Variants in LIMCH1 observed in about 807,000 individuals in gnomAD.
LIMCH1 encodes LIM and calponin homology domains 1, also known as LIM and calponin homology domains-containing protein 1.
LIMCH1 carries 113 observed loss-of-function variants against 176.5 expected under a neutral mutation model. The observed-to-expected ratio is 0.64, with a 90% CI of 0.55 to 0.75. LIMCH1 has a LOEUF of 0.75. Among genes scored for constraint, LIMCH1 ranks in the 30% least tolerant of loss-of-function variants. The probability of loss-of-function intolerance (pLI) is 0.00; values close to 1 mark genes in which losing one functional copy is unlikely to be tolerated. For missense variants in LIMCH1, 1,674 were observed against 1,814.9 expected, an observed-to-expected ratio of 0.92 and a Z score of 1.41; for synonymous variants, 619 against 645.9, an observed-to-expected ratio of 0.96 and a Z score of 0.63.
At chr4:41,683,420 G>A (rs11937643) in intron 26 of LIMCH1, among the ~76,000 whole-genome samples, 12,557 of 152,114 alleles carry the variant, frequency 0.083, 567 homozygotes, top group South Asian at 0.12. Flanking sequence ...ACCTAGAAGG[G>A]ACCCACAGAA....
chr4:41,604,739 T>A (rs1329176231), intron 3 of LIMCH1, among the ~76,000 whole-genome samples: 6 of 152,194 alleles, frequency 3.9e-5, no homozygotes, highest in Admixed American at 2.0e-4. Context: ...GTTAATGTCC[T>A]GACGTTTGAA....
chr4:41,602,788 C>G (rs757039361), intron 2 of LIMCH1, among the ~76,000 whole-genome samples: 32 of 151,990 alleles, frequency 2.1e-4, no homozygotes, highest in Admixed American at 2.0e-3. Context: ...AGCCGGGCGA[C>G]AGAGTGAGGC....
chr4:41,620,375 C>A (rs1257230352), intron 6 of LIMCH1, 49 bp from the exon 7 acceptor site: 1 of 1,510,310 alleles, frequency 6.6e-7, no homozygotes, highest in South Asian at 1.3e-5. Context: ...GGGGTCTGCT[C>A]CCCAGCCCAG....
intron 1 of LIMCH1, among the ~76,000 whole-genome samples, chr4:41,487,434 T>C (rs775143041): frequency 7.9e-5 from 12 of 152,278 alleles, no homozygotes; most frequent in Non-Finnish European, 1.6e-4. Context: ...AACTAGCATC[T>C]TCCTGCAAAC....
At chr4:41,603,549 C>T (rs1225895502) in intron 2 of LIMCH1, among the ~76,000 whole-genome samples, 1 of 152,144 alleles carries the variant, frequency 6.6e-6, no homozygotes, top group Non-Finnish European at 1.5e-5. Context: ...ATAATCAAGG[C>T]AGAATCTTCA....
At chr4:41,443,472 T>C (rs188065749) in intron 1 of LIMCH1, among the ~76,000 whole-genome samples, 1 of 152,218 alleles carries the variant, frequency 6.6e-6, no homozygotes, top group Non-Finnish European at 1.5e-5. Context: ...AATAGTAGTA[T>C]GGACTTTGCT....
Position 41,644,224 on chromosome 4 carries a change from C to T in LIMCH1, c.2127-276C>T, listed in dbSNP as rs189684532. Among the ~76,000 whole-genome samples, 139 of 152,272 alleles carry T rather than the reference C, an allele frequency of 9.1e-4. 1 individual carries two copies. Among genetic ancestry groups the T allele is most frequent in the African/African-American group, 2.0e-3 (82 of 41,564 alleles). On this transcript the variant is annotated intron_variant, in intron 14 of 31. Coordinates refer to ENST00000503057, the MANE Select transcript of LIMCH1 (RefSeq NM_001330672.2). Reference sequence around the variant, plus strand: ...CTCTTCTTTAAACCTATTTTGGCACCTACATATAAAATGATATTGACCCGA... The same window carrying T: ...CTCTTCTTTAAACCTATTTTGGCACTTACATATAAAATGATATTGACCCGA...
chr4:41,462,527 T>C (rs1241977289), intron 1 of LIMCH1, among the ~76,000 whole-genome samples: 1 of 152,208 alleles, frequency 6.6e-6, no homozygotes, highest in Non-Finnish European at 1.5e-5. Context: ...TGAGAGCACT[T>C]GGCATAGAAA....
At position 41,368,956 on chromosome 4, in the gene LIMCH1, C is replaced by T. The variant is rs374150385; in HGVS notation, c.96+8020C>T. Among the ~76,000 whole-genome samples, 10 of 152,284 alleles carry T rather than the reference C, an allele frequency of 6.6e-5. 1 individual carries two copies. In the South Asian group the frequency reaches 1.0e-3, roughly 16 times the overall value. On this transcript the variant is annotated intron_variant, in intron 1 of 26. Coordinates refer to the LIMCH1 transcript ENST00000313860. Reference sequence around the variant, plus strand: ...CTCCACTCTTAGCAGGAAGGGGCTGCGGGAAACCTGCTTGCTTTTCAGTGA... The same window carrying T: ...CTCCACTCTTAGCAGGAAGGGGCTGTGGGAAACCTGCTTGCTTTTCAGTGA...
intron 1 of LIMCH1, among the ~76,000 whole-genome samples, chr4:41,491,203 G>A (rs1413237850): frequency 6.8e-6 from 1 of 146,592 alleles, no homozygotes; most frequent in East Asian, 2.1e-4. Context: ...GACGAAGAGT[G>A]GCCAGGCAGA....
intron 3 of LIMCH1, among the ~76,000 whole-genome samples, chr4:41,530,644 T>C (rs1198451718): frequency 6.6e-6 from 1 of 151,432 alleles, no homozygotes; most frequent in African/African-American, 2.4e-5. Context: ...CTGTCTCTAC[T>C]AAAAGTACAA....
chr4:41,444,802 G>A (rs2063105665), intron 1 of LIMCH1, among the ~76,000 whole-genome samples: 1 of 152,118 alleles, frequency 6.6e-6, no homozygotes, highest in Admixed American at 6.5e-5. Flanking sequence ...AGTGGTTAAG[G>A]ATATAGTCCC....
intron 1 of LIMCH1, among the ~76,000 whole-genome samples, chr4:41,578,424 T>C (rs1263417359): frequency 6.6e-6 from 1 of 152,196 alleles, no homozygotes; most frequent in Admixed American, 6.5e-5. Context: ...AGATGAGATA[T>C]GGGTGGGGAC....
At chr4:41,537,302 T>A (rs145696927), upstream of LIMCH1, among the ~76,000 whole-genome samples, 45 of 152,368 alleles carry the variant, frequency 3.0e-4, no homozygotes, top group African/African-American at 1.0e-3. Flanking sequence ...CACACGATGC[T>A]TCTGCTCACA....
intron 2 of LIMCH1, among the ~76,000 whole-genome samples, chr4:41,495,688 T>TA (rs1474000915): frequency 6.6e-6 from 1 of 152,136 alleles, no homozygotes; most frequent in African/African-American, 2.4e-5. Flanking sequence ...AAAATCATAA[T>TA]AAAAAATGTA....
At chr4:41,438,859 C>T (rs2062394546) in intron 1 of LIMCH1, among the ~76,000 whole-genome samples, 1 of 152,224 alleles carries the variant, frequency 6.6e-6, no homozygotes, top group Non-Finnish European at 1.5e-5. Flanking sequence ...CCTGCCATCA[C>T]ATGGCTTGGA....
rs1561310233 is a variant in LIMCH1 at position 41,419,612 on chromosome 4, T to TTCC, written c.96+58678_96+58680dup. Reference sequence around the variant, plus strand: ...CTTCCTTCCTTCCTTCCGTCCTTCCTTCCTTCCTTCCTTCCTTCCTTCCTC... The same window carrying TTCC: ...CTTCCTTCCTTCCTTCCGTCCTTCCTTCCTCCTTCCTTCCTTCCTTCCTTCCTC... On this transcript the variant is annotated intron_variant, in intron 1 of 26. Transcript: ENST00000313860. Among the ~76,000 whole-genome samples, 11 of 81,058 alleles carry TTCC rather than the reference T, an allele frequency of 1.4e-4. 1 individual carries two copies. The highest frequency in any genetic ancestry group is 6.9e-4 in the Admixed American group (6 of 8,706). The allele number at this position is 81,058 out of a possible 152,430, so 53.2% of individuals were successfully genotyped here. A position where few individuals can be genotyped will look rare whatever the true frequency, so the allele number is the denominator to read the frequency against.
chr4:41,691,981 C>T (rs932942719), intron 30 of LIMCH1, among the ~76,000 whole-genome samples: 7 of 152,168 alleles, frequency 4.6e-5, no homozygotes, highest in African/African-American at 1.2e-4. Flanking sequence ...GAGGTTAAGA[C>T]GCTAGGCTTT....
intron 1 of LIMCH1, among the ~76,000 whole-genome samples, chr4:41,551,741 G>A (rs2080462277): frequency 6.6e-6 from 1 of 152,092 alleles, no homozygotes; most frequent in Non-Finnish European, 1.5e-5. Context: ...TAGTTTTATT[G>A]GAATACAGCC....
Sources: allele counts gnomAD v4.1 joint callset (sites outside exome capture counted in the v4.1 genomes callset), GRCh38; gene constraint gnomAD v4.1.1; transcripts MANE v1.5; gene names NCBI Gene and HGNC (gene_info 2026-07-23, HGNC 2026-07-21).